The following MCTP2 variants were observed in gnomAD, a reference collection of about 807,000 sequenced individuals.
The protein encoded by MCTP2 is multiple C2 and transmembrane domain containing 2.
A neutral mutation model predicts 111.6 loss-of-function variants in MCTP2; 132 were observed. That is an observed-to-expected ratio of 1.18 (90% CI 1.03 to 1.37). The LOEUF is 1.37. Ranked by LOEUF, MCTP2 falls within the 40% of genes most tolerant of loss-of-function variation. The pLI is 0.00. For synonymous variants in MCTP2, 395 were observed against 387.7 expected (o/e 1.02, Z -0.22); for missense variants, 1,183 against 1,067.9 (o/e 1.11, Z -1.50).
intron 14 of MCTP2, among the ~76,000 whole-genome samples, chr15:94,395,875 T>C (rs995751586): frequency 5.3e-5 from 8 of 152,290 alleles, no homozygotes; most frequent in South Asian, 2.1e-4. Flanking sequence ...TACTGACCGA[T>C]TGAACCAGGG....
chr15:94,471,738 C>G (rs1297568109), intron 21 of MCTP2, among the ~76,000 whole-genome samples: 2 of 142,656 alleles, frequency 1.4e-5, no homozygotes, highest in East Asian at 4.1e-4. Context: ...TTCAGGGCCA[C>G]TGATTAAGAA....
chr15:94,473,983 A>G (rs2074135825), intron 21 of MCTP2, among the ~76,000 whole-genome samples: 1 of 150,764 alleles, frequency 6.6e-6, no homozygotes, highest in Admixed American at 6.6e-5. Context: ...TGTAGGGCTC[A>G]TTCCACATTC....
At chr15:94,314,257 G>T (rs765020466) in intron 2 of MCTP2, 25 bp from the exon 3 acceptor site, 1 of 1,572,508 alleles carries the variant, frequency 6.4e-7, no homozygotes, top group South Asian at 1.1e-5. Context: ...TTGTAAAGCA[G>T]ATTTTTTTTT....
intron 19 of MCTP2, among the ~76,000 whole-genome samples, chr15:94,456,798 GC>G (rs1476987251): frequency 1.3e-5 from 2 of 152,108 alleles, no homozygotes; most frequent in Admixed American, 1.3e-4. Context: ...CTGGAGAAGG[GC>G]TGGCAATGAG....
At chr15:94,462,005 A>G (rs1451739199) in intron 20 of MCTP2, among the ~76,000 whole-genome samples, 1 of 152,226 alleles carries the variant, frequency 6.6e-6, no homozygotes, top group East Asian at 1.9e-4. Flanking sequence ...TGTGAAGGAA[A>G]GCCTTTAGTA....
intron 1 of MCTP2, among the ~76,000 whole-genome samples, chr15:94,289,221 T>C (rs988477532): frequency 6.6e-6 from 1 of 152,150 alleles, no homozygotes; most frequent in African/African-American, 2.4e-5. Flanking sequence ...TAAAAAAATA[T>C]TGAAGTCAGT....
At chr15:94,470,226 T>C in intron 20 of MCTP2, 107 bp from the exon 21 acceptor site, 1 of 855,700 alleles carries the variant, frequency 1.2e-6, no homozygotes, top group Non-Finnish European at 1.9e-6. Flanking sequence ...TCCAATAGAC[T>C]GTAAAAAAAA....
At chr15:94,309,019 G>A (rs1185133663) in intron 2 of MCTP2, among the ~76,000 whole-genome samples, 1 of 152,196 alleles carries the variant, frequency 6.6e-6, no homozygotes, top group East Asian at 1.9e-4. Context: ...TCTTGGAGAT[G>A]AGAGAGAATT....
intron 3 of MCTP2, 70 bp downstream of exon 3, chr15:94,314,414 T>A (rs1267934254): frequency 1.9e-5 from 21 of 1,134,034 alleles, no homozygotes; most frequent in Non-Finnish European, 2.6e-5. Context: ...TGGGTTTGTA[T>A]TTTTTTTGCC....
intron 14 of MCTP2, among the ~76,000 whole-genome samples, chr15:94,392,034 T>G (rs566023017): frequency 2.0e-5 from 3 of 152,098 alleles, no homozygotes; most frequent in East Asian, 3.9e-4. Flanking sequence ...GGTCAGAAAC[T>G]CGATACAGGT....
At chr15:94,337,698 C>T (rs375620354) in intron 4 of MCTP2, among the ~76,000 whole-genome samples, 47 of 152,264 alleles carry the variant, frequency 3.1e-4, no homozygotes, top group East Asian at 1.9e-3. Flanking sequence ...CGCGCATGCA[C>T]GCGCGTGTGC....
intron 4 of MCTP2, among the ~76,000 whole-genome samples, chr15:94,335,957 A>G (rs2077340240): frequency 6.6e-6 from 1 of 152,168 alleles, no homozygotes; most frequent in Non-Finnish European, 1.5e-5. Flanking sequence ...CATCCCTTTC[A>G]GAGTTGTGTG....
intron 4 of MCTP2, among the ~76,000 whole-genome samples, chr15:94,320,308 A>G (rs2152375287): frequency 1.3e-5 from 2 of 151,944 alleles, no homozygotes; most frequent in East Asian, 1.9e-4. Flanking sequence ...ACGCCCAGCT[A>G]ATTTTTGTAT....
chr15:94,425,380 G>C (rs951667165), intron 17 of MCTP2, among the ~76,000 whole-genome samples: 15 of 152,196 alleles, frequency 9.9e-5, no homozygotes, highest in African/African-American at 3.6e-4. Context: ...GAATGTCTTG[G>C]TAAGAGAGCT....
chr15:94,423,668 C>T (rs1484593125), intron 17 of MCTP2, among the ~76,000 whole-genome samples: 1 of 152,094 alleles, frequency 6.6e-6, no homozygotes, highest in Non-Finnish European at 1.5e-5. Context: ...TGTGTGTGCG[C>T]ATAGGTGCAT....
chr15:94,478,602 A>G (rs1193163068), intron 22 of MCTP2, among the ~76,000 whole-genome samples: 1 of 152,200 alleles, frequency 6.6e-6, no homozygotes, highest in Non-Finnish European at 1.5e-5. Flanking sequence ...TAAACGAATA[A>G]TCCTCAGTAA....
intron 12 of MCTP2, among the ~76,000 whole-genome samples, chr15:94,370,570 ATCTGAGCTTGAAG>A (rs1321504971): frequency 3.9e-5 from 6 of 152,192 alleles, no homozygotes; most frequent in Admixed American, 3.3e-4. Context: ...TGGTTCATAA[ATCTGAGCTTGAAG>A]TCAGATCTGG....
At chr15:94,326,818 A>ACCGCC (rs1555452986) in intron 4 of MCTP2, among the ~76,000 whole-genome samples, 45 of 45,378 alleles carry the variant, frequency 9.9e-4, no homozygotes, top group African/African-American at 2.8e-3. Flanking sequence ...TCCCCGCCCC[A>ACCGCC]CCCCCCCCCA....
chr15:94,399,092 T>C lies in MCTP2; in HGVS notation c.1890+30T>C, dbSNP rs2081424269. On this transcript the variant is annotated intron_variant, in intron 15 of 22. Coordinates refer to ENST00000357742, the MANE Select transcript of MCTP2 (RefSeq NM_001385001.1). Reference sequence around the variant, plus strand: ...GTCTAGCTGGGTCATACTTCCCGGCTTTCCCGTACCTAAAATAGAAGGTGA... The same window carrying C: ...GTCTAGCTGGGTCATACTTCCCGGCCTTCCCGTACCTAAAATAGAAGGTGA... 2.6e-6 allele frequency: 3 copies of C among 1,134,126 alleles called. No homozygotes were observed. In the African/African-American group the frequency reaches 4.6e-5, roughly 17 times the overall value. The allele number at this position is 1,134,126 out of a possible 1,614,324, so 70.3% of individuals were successfully genotyped here.
Sources: gnomAD v4.1 joint callset for allele counts (sites outside exome capture counted in the v4.1 genomes callset) on GRCh38, gnomAD v4.1.1 for gene constraint, MANE v1.5 for transcripts, NCBI Gene and HGNC (gene_info 2026-07-23, HGNC 2026-07-21) for gene names.